Variants in PPM1H observed in about 807,000 individuals in gnomAD.
PPM1H encodes protein phosphatase 1H.
PPM1H carries 27 observed loss-of-function variants against 54.9 expected under a neutral mutation model. The observed-to-expected ratio is 0.49, with a 90% CI of 0.36 to 0.68. The LOEUF (loss-of-function observed/expected upper bound fraction) is 0.68, where lower values mean the gene tolerates loss of function less well. Among genes scored for constraint, PPM1H ranks in the 30% least tolerant of loss-of-function variants. The pLI, the probability that PPM1H is intolerant of heterozygous loss-of-function variation, is 0.00. For missense variants in PPM1H, 596 were observed against 667.8 expected, an observed-to-expected ratio of 0.89 and a Z score of 1.19; for synonymous variants, 305 against 270.8, an observed-to-expected ratio of 1.13 and a Z score of -1.24.
In PPM1H at chr12:62,678,391, A is replaced by T. The variant is rs565930288; in HGVS notation, c.1246-11062T>A. Among the ~76,000 whole-genome samples the T allele has an allele frequency of 6.2e-4, 95 of 152,386 alleles. 1 individual carries two copies. The highest frequency in any genetic ancestry group is 2.2e-3 in the African/African-American group (93 of 41,604). On this transcript the variant is annotated intron_variant, in intron 8 of 9. Coordinates refer to ENST00000228705, the MANE Select transcript of PPM1H (RefSeq NM_020700.2). ...TCAGAGGGCAACAATCTCCAATGAGAGGAAATGTTTGACACATACAGGTTG... is the reference window on the plus strand; with the variant it reads ...TCAGAGGGCAACAATCTCCAATGAGTGGAAATGTTTGACACATACAGGTTG...
chr12:62,761,229 A>G (rs2076506930), intron 4 of PPM1H, among the ~76,000 whole-genome samples: 1 of 152,246 alleles, frequency 6.6e-6, no homozygotes, highest in Non-Finnish European at 1.5e-5. Context: ...GGAATAAGGG[A>G]TCAGAAGTTC....
chr12:62,873,842 G>A lies in PPM1H; in HGVS notation c.246-41563C>T, dbSNP rs575822035. The stretch of plus-strand genomic sequence containing the variant: ...TACAAATTACGATAATTGCCTAAGG[G>A]AAAATAACGACTACTAAAGAATGTA... On this transcript the variant is annotated intron_variant, in intron 1 of 9. Coordinates refer to ENST00000228705, the MANE Select transcript of PPM1H (RefSeq NM_020700.2). Among the ~76,000 whole-genome samples, 676 of 152,284 alleles carry A rather than the reference G, an allele frequency of 4.4e-3. 2 individuals carry two copies. The highest frequency in any genetic ancestry group is 0.017 in the Middle Eastern group (5 of 294).
chr12:62,930,509 C>T (rs187044238), intron 1 of PPM1H, among the ~76,000 whole-genome samples: 3 of 152,194 alleles, frequency 2.0e-5, no homozygotes, highest in Admixed American at 1.3e-4. Context: ...GCATTCCCTA[C>T]GTCTGTAGTT....
chr12:62,658,426 T>G (rs1392778995), intron 9 of PPM1H, among the ~76,000 whole-genome samples: 2 of 152,062 alleles, frequency 1.3e-5, no homozygotes, highest in African/African-American at 4.8e-5. Flanking sequence ...GGTAAGCGTC[T>G]TCTTCTCTGA....
At chr12:62,909,963 G>A (rs2121136442) in intron 1 of PPM1H, among the ~76,000 whole-genome samples, 1 of 152,290 alleles carries the variant, frequency 6.6e-6, no homozygotes, top group East Asian at 1.9e-4. Flanking sequence ...AGATTACGGA[G>A]GTTTTAATAA....
chr12:62,814,022 A>G (rs553203097), intron 2 of PPM1H, among the ~76,000 whole-genome samples: 2 of 152,298 alleles, frequency 1.3e-5, no homozygotes, highest in South Asian at 4.1e-4. Flanking sequence ...TACTTTATGG[A>G]TACACAGTAG....
chr12:62,689,208 T>C (rs1340894729), intron 8 of PPM1H, among the ~76,000 whole-genome samples: 2 of 152,216 alleles, frequency 1.3e-5, no homozygotes, highest in African/African-American at 2.4e-5. Flanking sequence ...AAGGGCATTC[T>C]TGGCAAAAGG....
chr12:62,808,068 G>A (rs986768863), intron 2 of PPM1H, among the ~76,000 whole-genome samples: 7 of 152,208 alleles, frequency 4.6e-5, no homozygotes, highest in African/African-American at 1.7e-4. Flanking sequence ...CTGGGCTCAA[G>A]CAGTCCTCCT....
intron 4 of PPM1H, among the ~76,000 whole-genome samples, chr12:62,751,711 G>A (rs888887144): frequency 3.9e-5 from 6 of 152,162 alleles, no homozygotes; most frequent in African/African-American, 4.8e-5. Flanking sequence ...CAGGAACTAC[G>A]TCTGCTACAT....
At chr12:62,673,715 C>CTTTTGTTTTTTTTTTTTTTTTTTTT (rs2075969556) in intron 8 of PPM1H, among the ~76,000 whole-genome samples, 1 of 41,960 alleles carries the variant, frequency 2.4e-5, no homozygotes, top group East Asian at 6.7e-4. Context: ...AAGAGCCACT[C>CTTTTGTTTTTTTTTTTTTTTTTTTT]TTTTTTTTTT....
At chr12:62,846,564 G>A (rs2120916253) in intron 1 of PPM1H, among the ~76,000 whole-genome samples, 1 of 151,380 alleles carries the variant, frequency 6.6e-6, no homozygotes, top group African/African-American at 2.4e-5. Flanking sequence ...TTCCTGACGG[G>A]CCCTCTGAAT....
At chr12:62,767,389 G>C (rs1173236853) in intron 4 of PPM1H, among the ~76,000 whole-genome samples, 1 of 152,192 alleles carries the variant, frequency 6.6e-6, no homozygotes, top group Non-Finnish European at 1.5e-5. Context: ...TTCAAGAGGA[G>C]TTGGTGCGTA....
At chr12:62,797,497 G>GA (rs957243485) in intron 3 of PPM1H, among the ~76,000 whole-genome samples, 13 of 151,316 alleles carry the variant, frequency 8.6e-5, no homozygotes, top group East Asian at 3.9e-4. Context: ...CTACTGCGGT[G>GA]AAAAAAAAAG....
chr12:62,752,468 T>C (rs1362991164), intron 4 of PPM1H, among the ~76,000 whole-genome samples: 1 of 152,212 alleles, frequency 6.6e-6, no homozygotes, highest in African/African-American at 2.4e-5. Flanking sequence ...GTCATTTCCA[T>C]TCATGTGTTC....
At chr12:62,826,671 T>C (rs1406452226) in intron 2 of PPM1H, among the ~76,000 whole-genome samples, 1 of 152,242 alleles carries the variant, frequency 6.6e-6, no homozygotes, top group Non-Finnish European at 1.5e-5. Context: ...AGATATATTA[T>C]ACATGAAAGA....
chr12:62,880,334 C>T (rs1870346863), intron 1 of PPM1H, among the ~76,000 whole-genome samples: 2 of 152,060 alleles, frequency 1.3e-5, no homozygotes, highest in Non-Finnish European at 2.9e-5. Context: ...GTATTAGGTG[C>T]CCTCTTCATT....
chr12:62,800,501 T>C (rs1407384475), intron 3 of PPM1H, among the ~76,000 whole-genome samples: 1 of 152,092 alleles, frequency 6.6e-6, no homozygotes, highest in Non-Finnish European at 1.5e-5. Flanking sequence ...CACGCCCGAC[T>C]AATTTTTTTG....
At chr12:62,747,199 C>T (rs1351263493) in intron 4 of PPM1H, among the ~76,000 whole-genome samples, 4 of 151,700 alleles carry the variant, frequency 2.6e-5, no homozygotes, top group Admixed American at 6.6e-5. Context: ...TGCAATGGCG[C>T]GATCTCGGCT....
intron 4 of PPM1H, among the ~76,000 whole-genome samples, chr12:62,738,542 C>G (rs1271231644): frequency 6.6e-6 from 1 of 152,132 alleles, no homozygotes; most frequent in Non-Finnish European, 1.5e-5. Context: ...GGGTCTATTC[C>G]CAGCGGTGCC....
Sources: gnomAD v4.1 joint callset for allele counts (sites outside exome capture counted in the v4.1 genomes callset) on GRCh38, gnomAD v4.1.1 for gene constraint, MANE v1.5 for transcripts, NCBI Gene and HGNC (gene_info 2026-07-23, HGNC 2026-07-21) for gene names.